ELF1: variants seen among roughly 807,000 people sequenced by gnomAD.
ELF1 encodes ETS-related transcription factor Elf-1.
In ELF1, 24 loss-of-function variants were observed where a neutral mutation model predicts 59.9. That is an observed-to-expected ratio of 0.40 (90% CI 0.29 to 0.56). The LOEUF (loss-of-function observed/expected upper bound fraction) is 0.56. ELF1 is among the 20% of genes least tolerant of loss of function. ELF1 has a pLI of 0.44. For missense variants in ELF1, 627 were observed against 742.2 expected (o/e 0.84, Z 1.80); for synonymous variants, 248 against 266.2 (o/e 0.93, Z 0.67).
At chr13:41,051,076 G>A (rs1481148900) in intron 1 of ELF1, among the ~76,000 whole-genome samples, 2 of 151,846 alleles carry the variant, frequency 1.3e-5, no homozygotes, top group Non-Finnish European at 2.9e-5. Context: ...ACACATTTGT[G>A]GCAAAAAGCC....
intron 7 of ELF1, 94 bp downstream of exon 7, chr13:40,942,858 C>T: frequency 7.8e-7 from 1 of 1,278,056 alleles, no homozygotes; most frequent in Non-Finnish European, 1.0e-6. Flanking sequence ...TGCATTACCA[C>T]TATTGGTGCT....
intron 1 of ELF1, among the ~76,000 whole-genome samples, chr13:41,002,574 G>C (rs1429129831): frequency 1.6e-5 from 2 of 126,402 alleles, no homozygotes; most frequent in East Asian, 2.3e-4. Flanking sequence ...CACAGAGCAA[G>C]ACCTTACCTT....
At chr13:41,035,301 C>A (rs571827459) in intron 1 of ELF1, among the ~76,000 whole-genome samples, 1 of 152,244 alleles carries the variant, frequency 6.6e-6, no homozygotes, top group Non-Finnish European at 1.5e-5. Flanking sequence ...CCTCATTGGT[C>A]ATTTATTTCA....
chr13:41,035,240 T>C (rs1263240658), intron 1 of ELF1, among the ~76,000 whole-genome samples: 1 of 152,252 alleles, frequency 6.6e-6, no homozygotes, highest in Non-Finnish European at 1.5e-5. Flanking sequence ...CTTCCTACTC[T>C]GCTAGAATAC....
chr13:40,951,381 C>T lies in ELF1; in HGVS notation c.309G>A (p.Glu103=), dbSNP rs148707310. The T allele has an allele frequency of 1.4e-5, 22 of 1,613,718 alleles. 1 individual carries two copies. In the South Asian group the frequency reaches 1.8e-4, roughly 13 times the overall value. The part of the protein sequence containing the change: ...DETIETIEAA[E]ALLNMDSPGP... The stretch of plus-strand genomic sequence containing the variant: ...CAGGGGAATCCATATTGAGGAGTGC[C>T]TCAGCAGCCTCAATAGTTTCAATTG... The change falls in exon 4 of 9, where the codon GAG becomes GAA. Residue 103 remains glutamate, a synonymous_variant. Transcript: ENST00000239882.
intron 1 of ELF1, among the ~76,000 whole-genome samples, chr13:41,006,153 C>T (rs998423149): frequency 6.6e-6 from 1 of 152,156 alleles, no homozygotes; most frequent in Non-Finnish European, 1.5e-5. Flanking sequence ...AAATGAATGG[C>T]TTTGAAAAAC....
chr13:40,979,039 T>C (rs1001140613), intron 2 of ELF1, among the ~76,000 whole-genome samples: 1 of 151,934 alleles, frequency 6.6e-6, no homozygotes, highest in Non-Finnish European at 1.5e-5. Context: ...CTTGCCTGCT[T>C]CCTTCCTTCC....
At chr13:40,986,242 T>C (rs1873542173) in intron 1 of ELF1, among the ~76,000 whole-genome samples, 1 of 152,216 alleles carries the variant, frequency 6.6e-6, no homozygotes, top group Non-Finnish European at 1.5e-5. Flanking sequence ...GACAGAAGAC[T>C]GGACAAGTTA....
chr13:40,955,486 C>A (rs551107396), intron 3 of ELF1, among the ~76,000 whole-genome samples: 1 of 118,732 alleles, frequency 8.4e-6, no homozygotes, highest in Admixed American at 7.8e-5. Context: ...TCTGCCCGGC[C>A]GCCCCTACTG....
At chr13:41,013,364 G>C (rs187206543) in intron 1 of ELF1, among the ~76,000 whole-genome samples, 2 of 152,196 alleles carry the variant, frequency 1.3e-5, no homozygotes, top group Admixed American at 1.3e-4. Flanking sequence ...ATCAACAAGA[G>C]AGAATAAATA....
intron 8 of ELF1, among the ~76,000 whole-genome samples, chr13:40,940,418 A>AAAAAAAAC (rs878999576): frequency 1.4e-5 from 2 of 140,580 alleles, no homozygotes; most frequent in African/African-American, 5.6e-5. Flanking sequence ...AAAAAAAAAA[A>AAAAAAAAC]CAAACCTACT....
chr13:41,007,516 A>C (rs996085555), intron 1 of ELF1, among the ~76,000 whole-genome samples: 1 of 152,152 alleles, frequency 6.6e-6, no homozygotes, highest in Non-Finnish European at 1.5e-5. Context: ...CTACTGGAGA[A>C]GCCAGTAACT....
At chr13:41,001,277 C>A (rs1874427492) in intron 1 of ELF1, among the ~76,000 whole-genome samples, 1 of 151,920 alleles carries the variant, frequency 6.6e-6, no homozygotes, top group Admixed American at 6.6e-5. Context: ...GCCTGGCCAA[C>A]ATTTTTTTTT....
intron 1 of ELF1, among the ~76,000 whole-genome samples, chr13:41,013,317 T>C (rs950697438): frequency 6.6e-6 from 1 of 152,180 alleles, no homozygotes; most frequent in East Asian, 1.9e-4. Flanking sequence ...CGGGGAACCA[T>C]GTACAAGTGT....
intron 5 of ELF1, among the ~76,000 whole-genome samples, chr13:40,948,615 A>G (rs541748131): frequency 1.3e-4 from 20 of 152,354 alleles, no homozygotes; most frequent in African/African-American, 4.3e-4. Flanking sequence ...TCAAGACATT[A>G]TACTCAAAAT....
intron 1 of ELF1, among the ~76,000 whole-genome samples, chr13:41,006,174 T>G (rs1028547471): frequency 1.4e-5 from 2 of 139,518 alleles, no homozygotes; most frequent in Non-Finnish European, 3.3e-5. Flanking sequence ...GATTTCATTT[T>G]TACCCAGTAT....
At chr13:41,017,259 C>T (rs1875459626) in intron 1 of ELF1, among the ~76,000 whole-genome samples, 2 of 151,916 alleles carry the variant, frequency 1.3e-5, no homozygotes, top group African/African-American at 4.8e-5. Flanking sequence ...GTTTTATTTA[C>T]TCTTAAGGAA....
chr13:41,045,002 T>G (rs1292497134), intron 1 of ELF1, among the ~76,000 whole-genome samples: 1 of 152,196 alleles, frequency 6.6e-6, no homozygotes, highest in Admixed American at 6.5e-5. Context: ...GGGATTCAAC[T>G]TCTTCCTGGT....
chr13:41,041,557 C>T (rs1356794930), intron 1 of ELF1, among the ~76,000 whole-genome samples: 2 of 152,078 alleles, frequency 1.3e-5, no homozygotes, highest in African/African-American at 4.8e-5. Context: ...CACCTGTAGT[C>T]CCACCTACTT....
Sources: gnomAD v4.1 joint callset for allele counts (sites outside exome capture counted in the v4.1 genomes callset) on GRCh38, gnomAD v4.1.1 for gene constraint, MANE v1.5 for transcripts, NCBI Gene and HGNC (gene_info 2026-07-23, HGNC 2026-07-21) for gene names.